CDC73: variants seen among roughly 807,000 people sequenced by gnomAD.
The protein encoded by CDC73 is cell division cycle 73, also known as parafibromin.
In CDC73, 21 loss-of-function variants were observed where a neutral mutation model predicts 83.7. The ratio of observed to expected loss-of-function variants is 0.25; its 90% CI spans 0.18 to 0.36. CDC73 has a LOEUF of 0.36. CDC73 is among the 10% of genes least tolerant of loss of function. The pLI is 1.00. For missense variants in CDC73, 342 were observed against 653.3 expected (o/e 0.52, Z 5.19); for synonymous variants, 224 against 212.9 (o/e 1.05, Z -0.45).
chr1:193,236,481 T>C, intron 15 of CDC73, 125 bp downstream of exon 15: 1 of 708,062 alleles, frequency 1.4e-6, no homozygotes, highest in Non-Finnish European at 2.6e-6. Context: ...GTAACATATG[T>C]TAATGTTTAA....
At position 193,253,120 on chromosome 1, in the gene CDC73, C is replaced by A. The variant is rs1041188381; in HGVS notation, c.*2408C>A. The A allele has an allele frequency of 1.3e-5, 3 of 232,290 alleles. No homozygotes were observed. Among genetic ancestry groups the A allele is most frequent in the African/African-American group, 2.2e-5 (1 of 45,318 alleles). 14.4% of individuals were successfully genotyped at this position (232,290 alleles called of 1,614,324 possible). ...ATATTTATAGGACATTCTTCTCAGT[C>A]AAGGAACAGTAAGAAATATGTAGGT... On this transcript the variant is annotated 3_prime_UTR_variant, in exon 17 of 17. Coordinates refer to ENST00000367435, the MANE Select transcript of CDC73 (RefSeq NM_024529.5).
At chr1:193,132,051 A>G (rs574764150) in intron 3 of CDC73, among the ~76,000 whole-genome samples, 1 of 152,324 alleles carries the variant, frequency 6.6e-6, no homozygotes, top group South Asian at 2.1e-4. Context: ...TAGGTTCTTA[A>G]CTGAATAAAT....
chr1:193,242,936 T>A (rs1677887457), intron 15 of CDC73, among the ~76,000 whole-genome samples: 2 of 151,856 alleles, frequency 1.3e-5, no homozygotes, highest in Admixed American at 1.3e-4. Flanking sequence ...CTTTATTTCT[T>A]TTTCTTCTTC....
intron 10 of CDC73, among the ~76,000 whole-genome samples, chr1:193,158,316 CATCT>C (rs1367222370): frequency 6.6e-6 from 1 of 151,738 alleles, no homozygotes; most frequent in Admixed American, 6.6e-5. Flanking sequence ...CTTTTCCATC[CATCT>C]GTTAGGACTC....
At chr1:193,234,218 CACAT>C (rs1297182301) in intron 14 of CDC73, among the ~76,000 whole-genome samples, 129 of 29,182 alleles carry the variant, frequency 4.4e-3, no homozygotes, top group Non-Finnish European at 6.7e-3. Flanking sequence ...CACACACACA[CACAT>C]ATATATATTT....
chr1:193,197,927 C>CAA (rs61392426), intron 10 of CDC73, among the ~76,000 whole-genome samples: 30 of 73,168 alleles, frequency 4.1e-4, no homozygotes, highest in Middle Eastern at 8.5e-3. Context: ...ACCATCTCAC[C>CAA]AAAAAAAAAA....
At chr1:193,157,250 TG>T (rs1369574105) in intron 10 of CDC73, among the ~76,000 whole-genome samples, 1 of 152,184 alleles carries the variant, frequency 6.6e-6, no homozygotes, top group African/African-American at 2.4e-5. Context: ...TAGGAAAGTT[TG>T]TTTTTCTTCT....
intron 10 of CDC73, among the ~76,000 whole-genome samples, chr1:193,178,657 G>A (rs983761749): frequency 6.6e-6 from 1 of 152,136 alleles, no homozygotes; most frequent in Non-Finnish European, 1.5e-5. Flanking sequence ...TGGTATTTCT[G>A]TAGTCATATA....
chr1:193,145,220 A>T (rs1366808369), intron 7 of CDC73, among the ~76,000 whole-genome samples: 4 of 152,220 alleles, frequency 2.6e-5, no homozygotes, highest in Non-Finnish European at 5.9e-5. Flanking sequence ...TAAAGTACCT[A>T]TGCAAAAAGT....
At chr1:193,222,025 A>G (rs920201143) in intron 13 of CDC73, among the ~76,000 whole-genome samples, 7 of 152,164 alleles carry the variant, frequency 4.6e-5, no homozygotes, top group Non-Finnish European at 8.8e-5. Flanking sequence ...ATATCCCTTC[A>G]ATAAGTAAAT....
chr1:193,172,330 T>C (rs996857645), intron 10 of CDC73, among the ~76,000 whole-genome samples: 29 of 151,800 alleles, frequency 1.9e-4, no homozygotes, highest in Non-Finnish European at 1.0e-4. Flanking sequence ...GATAAAGTTA[T>C]GAGGTTTCTT....
intron 10 of CDC73, among the ~76,000 whole-genome samples, chr1:193,201,007 T>G (rs1677081917): frequency 1.3e-5 from 2 of 152,196 alleles, no homozygotes; most frequent in Admixed American, 6.5e-5. Context: ...CTTCCCAGTT[T>G]TGTTCCAAGA....
At chr1:193,238,377 T>C (rs993873955) in intron 15 of CDC73, among the ~76,000 whole-genome samples, 55 of 152,330 alleles carry the variant, frequency 3.6e-4, no homozygotes, top group African/African-American at 1.2e-3. Flanking sequence ...TTTCTGTTCA[T>C]ATCCCCTGTA....
Position 193,254,117 on chromosome 1 carries a change from CT to C in CDC73, c.*3410del, listed in dbSNP as rs886045735. 1.3e-5 allele frequency among the ~76,000 whole-genome samples: 2 copies of C among 151,592 alleles called. No individual in the cohort carries two copies. The highest frequency in any genetic ancestry group is 6.6e-5 in the Admixed American group (1 of 15,240). Reference sequence around the variant, plus strand: ...ATGCAAAATTATGAGTAAGATAAGTCTTTTTAAATTTTTTATTTTTAATTTT... The same window carrying C: ...ATGCAAAATTATGAGTAAGATAAGTCTTTTAAATTTTTTATTTTTAATTTT... On this transcript the variant is annotated 3_prime_UTR_variant, in exon 17 of 17. Transcript: ENST00000367435.
intron 10 of CDC73, chr1:193,180,643 C>A: frequency 6.2e-7 from 1 of 1,614,108 alleles, no homozygotes; most frequent in Non-Finnish European, 8.5e-7. Context: ...GACAGGATAA[C>A]GCTCACTTGG....
chr1:193,176,975 A>G (rs1676613635), intron 10 of CDC73, among the ~76,000 whole-genome samples: 1 of 152,170 alleles, frequency 6.6e-6, no homozygotes, highest in African/African-American at 2.4e-5. Context: ...GGTTCTTGTC[A>G]CCATTAAACA....
chr1:193,189,974 TCA>T (rs1676890992), intron 10 of CDC73, among the ~76,000 whole-genome samples: 1 of 152,208 alleles, frequency 6.6e-6, no homozygotes, highest in African/African-American at 2.4e-5. Flanking sequence ...TGGATGATTT[TCA>T]TCTAATGGGA....
At chr1:193,143,983 G>A (rs918336567) in intron 7 of CDC73, among the ~76,000 whole-genome samples, 3 of 151,770 alleles carry the variant, frequency 2.0e-5, no homozygotes, top group South Asian at 4.2e-4. Flanking sequence ...GGTGGCATGC[G>A]CTTGTAATCA....
intron 14 of CDC73, 99 bp downstream of exon 14, chr1:193,233,253 G>A (rs934267765): frequency 1.9e-6 from 2 of 1,071,278 alleles, no homozygotes; most frequent in African/African-American, 3.1e-5. Flanking sequence ...AAGAGATGGG[G>A]TCTCACTATG....
Sources: allele counts gnomAD v4.1 joint callset (sites outside exome capture counted in the v4.1 genomes callset), GRCh38; gene constraint gnomAD v4.1.1; transcripts MANE v1.5; gene names NCBI Gene and HGNC (gene_info 2026-07-23, HGNC 2026-07-21).